Variants in AFF3 observed in about 807,000 individuals in gnomAD.
The protein encoded by AFF3 is AF4/FMR2 family member 3.
In AFF3, 32 loss-of-function variants were observed where a neutral mutation model predicts 129.7. The observed-to-expected ratio is 0.25, with a 90% confidence interval of 0.19 to 0.33. The LOEUF (loss-of-function observed/expected upper bound fraction) is 0.33. AFF3 is among the 10% of genes least tolerant of loss of function. The probability of loss-of-function intolerance (pLI) is 1.00; values close to 1 mark genes in which losing one functional copy is unlikely to be tolerated. For synonymous variants in AFF3, 644 were observed against 635.4 expected (o/e 1.01, Z -0.20); for missense variants, 1,373 against 1,592.0 (o/e 0.86, Z 2.34).
intron 7 of AFF3, among the ~76,000 whole-genome samples, chr2:99,850,707 C>T (rs1479150844): frequency 6.6e-6 from 1 of 152,078 alleles, no homozygotes; most frequent in Non-Finnish European, 1.5e-5. Context: ...ATTAATAAAA[C>T]GTTGAATGGT....
intron 7 of AFF3, among the ~76,000 whole-genome samples, chr2:99,863,183 A>G (rs1389354595): frequency 2.0e-5 from 3 of 152,274 alleles, no homozygotes; most frequent in Non-Finnish European, 4.4e-5. Context: ...AAGCTTTTTT[A>G]CAGATGGATG....
Position 99,705,893 on chromosome 2 carries a change from A to G in AFF3, c.1091+21184T>C, listed in dbSNP as rs998970117. On this transcript the variant is annotated intron_variant, in intron 11 of 24. Coordinates refer to ENST00000672756, the MANE Select transcript of AFF3 (RefSeq NM_001386135.1). ...GCGCCTCAAAAAAAAAAAAAAAAAA[A>G]AAAAAAACACGCCCTTTGGGTTGCT... is the stretch of plus-strand genomic sequence containing the variant. Among the ~76,000 whole-genome samples the G allele has an allele frequency of 2.5e-4, 38 of 151,420 alleles. 2 individuals are homozygous for G. Among genetic ancestry groups the G allele is most frequent in the Non-Finnish European group, 5.2e-4 (35 of 67,794 alleles).
chr2:99,875,699 A>G (rs1346667187), intron 7 of AFF3, among the ~76,000 whole-genome samples: 1 of 152,224 alleles, frequency 6.6e-6, no homozygotes, highest in Non-Finnish European at 1.5e-5. Context: ...GAATGAGTGG[A>G]TAAATTAGAG....
chr2:99,783,140 G>A (rs892565442), intron 8 of AFF3, among the ~76,000 whole-genome samples: 2 of 152,214 alleles, frequency 1.3e-5, no homozygotes, highest in African/African-American at 4.8e-5. Flanking sequence ...AGAAGTAAAT[G>A]AGAAAGCTTC....
At chr2:99,655,305 G>T (rs1473162911) in intron 12 of AFF3, among the ~76,000 whole-genome samples, 1 of 151,258 alleles carries the variant, frequency 6.6e-6, no homozygotes, top group African/African-American at 2.4e-5. Context: ...AAGAGGACAG[G>T]GTGCTCTGAA....
chr2:99,942,268 T>A (rs919172608), intron 7 of AFF3, among the ~76,000 whole-genome samples: 2 of 152,072 alleles, frequency 1.3e-5, no homozygotes, highest in African/African-American at 4.8e-5. Flanking sequence ...ATGCAGTGCA[T>A]CCATTTAACA....
chr2:99,919,721 A>G (rs1695726236), intron 7 of AFF3, among the ~76,000 whole-genome samples: 1 of 152,156 alleles, frequency 6.6e-6, no homozygotes, highest in Non-Finnish European at 1.5e-5. Context: ...AATAATACAA[A>G]TAACAGGAAA....
intron 14 of AFF3, among the ~76,000 whole-genome samples, chr2:99,596,198 T>C (rs1679275680): frequency 6.6e-6 from 1 of 152,204 alleles, no homozygotes; most frequent in African/African-American, 2.4e-5. Flanking sequence ...CTCTGAGTTC[T>C]GCGTAAATCA....
At chr2:99,607,304 A>T (rs569206441) in intron 13 of AFF3, among the ~76,000 whole-genome samples, 1 of 152,270 alleles carries the variant, frequency 6.6e-6, no homozygotes, top group East Asian at 1.9e-4. Flanking sequence ...AGGCTGAGGC[A>T]GGCAGATCAC....
chr2:100,062,250 G>A (rs1687353813), intron 4 of AFF3, among the ~76,000 whole-genome samples: 1 of 152,180 alleles, frequency 6.6e-6, no homozygotes, highest in Admixed American at 6.5e-5. Flanking sequence ...GCAGTTGGAG[G>A]GGCCCAGCAG....
chr2:99,773,022 G>A (rs2105334848), intron 8 of AFF3, among the ~76,000 whole-genome samples: 1 of 152,318 alleles, frequency 6.6e-6, no homozygotes, highest in African/African-American at 2.4e-5. Flanking sequence ...TTCACAGGAA[G>A]GAGGCTCTGC....
intron 10 of AFF3, among the ~76,000 whole-genome samples, chr2:99,737,008 T>C (rs534040116): frequency 1.3e-5 from 2 of 152,344 alleles, no homozygotes; most frequent in African/African-American, 2.4e-5. Context: ...AATATTCATA[T>C]TCTATTTTTA....
At chr2:100,112,348 T>G (rs1365609713) in intron 2 of AFF3, 1 of 152,102 alleles carries the variant, frequency 6.6e-6, no homozygotes, top group Non-Finnish European at 1.5e-5. Context: ...CACAACAAGA[T>G]AGGAGGCAGG....
At chr2:99,943,520 G>C (rs1675263570) in intron 7 of AFF3, among the ~76,000 whole-genome samples, 1 of 152,158 alleles carries the variant, frequency 6.6e-6, no homozygotes, top group Non-Finnish European at 1.5e-5. Flanking sequence ...GTGATTCTTT[G>C]ATCAGTAAAA....
At chr2:99,871,581 G>A (rs758622467) in intron 7 of AFF3, among the ~76,000 whole-genome samples, 9 of 149,012 alleles carry the variant, frequency 6.0e-5, no homozygotes, top group African/African-American at 1.8e-4. Context: ...ATCGAAGGCC[G>A]TATTGTGAAC....
chr2:100,014,783 C>CTTTTTTTTTTTTTTTTTTTT lies in AFF3; in HGVS notation c.54-5852_54-5851insAAAAAAAAAAAAAAAAAAAA, dbSNP rs60456923. Among the ~76,000 whole-genome samples, 66 of 120,404 alleles carry CTTTTTTTTTTTTTTTTTTTT rather than the reference C, an allele frequency of 5.5e-4. 2 individuals carry two copies. The highest frequency in any genetic ancestry group is 1.7e-3 in the African/African-American group (52 of 30,138). 79.0% of individuals were successfully genotyped at this position (120,404 alleles called of 152,430 possible). ...CCATACCTCCATACCACCTTGCTTC[C>CTTTTTTTTTTTTTTTTTTTT]TTTTTTTTTTTTTTTTTTTAGACGG... On this transcript the variant is annotated intron_variant, in intron 4 of 24. Transcript: ENST00000672756.
chr2:99,858,804 GCTTAATAC>G (rs1690732518), intron 7 of AFF3, among the ~76,000 whole-genome samples: 1 of 152,142 alleles, frequency 6.6e-6, no homozygotes, highest in African/African-American at 2.4e-5. Context: ...AAGGGTATAG[GCTTAATAC>G]CTGGTTGATG....
intron 7 of AFF3, among the ~76,000 whole-genome samples, chr2:99,908,711 A>T (rs1418964151): frequency 6.6e-6 from 1 of 151,852 alleles, no homozygotes; most frequent in Non-Finnish European, 1.5e-5. Context: ...GCAGCCAAAA[A>T]ACACATGAAA....
At chr2:99,929,729 T>G (rs1022882243) in intron 7 of AFF3, among the ~76,000 whole-genome samples, 9 of 152,136 alleles carry the variant, frequency 5.9e-5, no homozygotes, top group African/African-American at 2.2e-4. Context: ...TTGAGAAATT[T>G]TAAAGCAAAT....
Sources: gnomAD v4.1 joint callset for allele counts (sites outside exome capture counted in the v4.1 genomes callset) on GRCh38, gnomAD v4.1.1 for gene constraint, MANE v1.5 for transcripts, NCBI Gene and HGNC (gene_info 2026-07-23, HGNC 2026-07-21) for gene names.